Variants in RARB observed in about 807,000 individuals in gnomAD.
RARB encodes HBV-activated protein.
A neutral mutation model predicts 51.9 loss-of-function variants in RARB; 17 were observed. That is an observed-to-expected ratio of 0.33 (90% confidence interval 0.22 to 0.49). The LOEUF (loss-of-function observed/expected upper bound fraction) is 0.49. Among genes scored for constraint, RARB ranks in the 20% least tolerant of loss-of-function variants. RARB has a pLI of 0.99. For missense variants in RARB, 369 were observed against 550.8 expected (o/e 0.67, Z 3.30); for synonymous variants, 215 against 195.4 (o/e 1.10, Z -0.84).
chr3:24,924,597 T>G (rs1695279029), intron 2 of RARB, among the ~76,000 whole-genome samples: 2 of 152,182 alleles, frequency 1.3e-5, no homozygotes, highest in Admixed American at 1.3e-4. Flanking sequence ...TCTATGAATA[T>G]TTTTACTCAG....
At chr3:24,889,601 T>C (rs79052348) in intron 2 of RARB, among the ~76,000 whole-genome samples, 7,990 of 152,124 alleles carry the variant, frequency 0.053, 398 homozygotes, top group East Asian at 0.19. Flanking sequence ...ACTTTTTGTT[T>C]TTAATTTCTA....
intron 3 of RARB, among the ~76,000 whole-genome samples, chr3:25,094,716 C>CAAAAAAAAAAAAAAAAAAAAAA (rs57477720): frequency 2.3e-5 from 1 of 43,092 alleles, no homozygotes; most frequent in Non-Finnish European, 3.9e-5. Flanking sequence ...GACCCCATCT[C>CAAAAAAAAAAAAAAAAAAAAAA]AAAAAAAAAA....
In RARB at chr3:25,003,359, A is replaced by C. The variant is rs1419216302; in HGVS notation, c.-379-56766A>C. On this transcript the variant is annotated intron_variant, in intron 2 of 11. Coordinates refer to the RARB transcript ENST00000383772. ...TCAGAATGGACCTGGACCGAATGCA[A>C]GTTATTAATTTGCACTGAAATAACA... Among the ~76,000 whole-genome samples, 28 of 152,156 alleles carry C rather than the reference A, an allele frequency of 1.8e-4. 1 individual carries two copies. The highest frequency in any genetic ancestry group is 1.8e-3 in the Admixed American group (28 of 15,266).
chr3:25,368,273 A>T (rs941154847), intron 5 of RARB, among the ~76,000 whole-genome samples: 11 of 152,154 alleles, frequency 7.2e-5, no homozygotes, highest in Non-Finnish European at 1.5e-4. Context: ...AAGGTCTGGG[A>T]ATTTCTAGAC....
At chr3:25,413,643 G>T (rs894109309) in intron 5 of RARB, among the ~76,000 whole-genome samples, 1 of 151,386 alleles carries the variant, frequency 6.6e-6, no homozygotes, top group African/African-American at 2.5e-5. Context: ...CCAACCCTTG[G>T]TATCTTGTTT....
chr3:25,580,403 T>A (rs1701123734), intron 4 of RARB, 143 bp from the exon 5 acceptor site: 16 of 747,544 alleles, frequency 2.1e-5, no homozygotes, highest in Non-Finnish European at 3.3e-5. Context: ...GAATCCAGGC[T>A]AAAAAAAATG....
intron 1 of RARB, among the ~76,000 whole-genome samples, chr3:25,436,228 T>G (rs920979626): frequency 2.6e-5 from 4 of 152,210 alleles, no homozygotes; most frequent in South Asian, 4.1e-4. Context: ...GAGCTTTTTT[T>G]CCATGCTATC....
At chr3:25,478,854 A>G (rs1696093093) in intron 2 of RARB, among the ~76,000 whole-genome samples, 1 of 152,130 alleles carries the variant, frequency 6.6e-6, no homozygotes, top group Non-Finnish European at 1.5e-5. Context: ...CACTGGGTGA[A>G]TTTTTTATTT....
Position 25,587,401 on chromosome 3 carries a change from A to T in RARB, c.787-6102A>T, listed in dbSNP as rs80191820. The stretch of plus-strand genomic sequence containing the variant: ...ATAAACAGTCTTTTAAAGACTTAGT[A>T]TTTAAACATGTATAATATCTCCTTA... On this transcript the variant is annotated intron_variant, in intron 5 of 7. Coordinates refer to ENST00000330688, the MANE Select transcript of RARB (RefSeq NM_000965.5). Among the ~76,000 whole-genome samples the T allele has an allele frequency of 5.4e-3, 828 of 152,326 alleles. 6 individuals carry two copies. The highest frequency in any genetic ancestry group is 0.019 in the African/African-American group (792 of 41,562).
At chr3:25,114,893 T>C (rs1575166998) in intron 3 of RARB, among the ~76,000 whole-genome samples, 1 of 152,316 alleles carries the variant, frequency 6.6e-6, no homozygotes, top group Middle Eastern at 3.4e-3. Context: ...TGAAAAGTTA[T>C]AAAATACTGA....
chr3:25,474,156 A>G (rs533033435), intron 2 of RARB, among the ~76,000 whole-genome samples: 1 of 152,272 alleles, frequency 6.6e-6, no homozygotes, highest in African/African-American at 2.4e-5. Flanking sequence ...AATAGCAGCA[A>G]TTCTAAGTAC....
chr3:25,595,472 C>A (rs1701783887), intron 7 of RARB, among the ~76,000 whole-genome samples: 2 of 152,194 alleles, frequency 1.3e-5, no homozygotes, highest in South Asian at 4.1e-4. Flanking sequence ...CTGAATTCAT[C>A]CTTGCATGGA....
At chr3:25,151,090 C>A (rs1243964411) in intron 4 of RARB, among the ~76,000 whole-genome samples, 1 of 152,148 alleles carries the variant, frequency 6.6e-6, no homozygotes, top group African/African-American at 2.4e-5. Flanking sequence ...TTTGTGTTCT[C>A]TTTTTTATGG....
At chr3:25,411,102 T>A (rs1044751971) in intron 5 of RARB, among the ~76,000 whole-genome samples, 1 of 152,232 alleles carries the variant, frequency 6.6e-6, no homozygotes. Flanking sequence ...AGTTCATAGA[T>A]AATGTAATCT....
chr3:25,508,142 G>C (rs549254847), intron 3 of RARB, among the ~76,000 whole-genome samples: 1 of 152,180 alleles, frequency 6.6e-6, no homozygotes, highest in African/African-American at 2.4e-5. Context: ...AGTTTCATAA[G>C]TGTATTTGTA....
chr3:25,209,313 T>G (rs944579059), intron 5 of RARB, among the ~76,000 whole-genome samples: 3 of 152,236 alleles, frequency 2.0e-5, no homozygotes, highest in South Asian at 2.1e-4. Flanking sequence ...TATTCAACTT[T>G]GGAAGCATGA....
rs181031230 is a variant in RARB at position 24,938,027 on chromosome 3, C to T, written c.-380+79275C>T. Among the ~76,000 whole-genome samples the T allele has an allele frequency of 4.0e-4, 50 of 123,930 alleles. 1 individual carries two copies. Among genetic ancestry groups the T allele is most frequent in the Admixed American group, 3.0e-3 (41 of 13,678 alleles). The allele number at this position is 123,930 out of a possible 152,430, so 81.3% of individuals were successfully genotyped here. ...GTCTCTGTATCGATTGGAATGTGTACCCCTATGCACACATGCGCACACACA... is the reference window on the plus strand; with the variant it reads ...GTCTCTGTATCGATTGGAATGTGTATCCCTATGCACACATGCGCACACACA... On this transcript the variant is annotated intron_variant, in intron 2 of 11. Coordinates refer to the RARB transcript ENST00000383772.
intron 1 of RARB, among the ~76,000 whole-genome samples, chr3:25,454,279 G>T (rs1195867998): frequency 6.6e-6 from 1 of 152,202 alleles, no homozygotes; most frequent in African/African-American, 2.4e-5. Flanking sequence ...TGAGCTGTAG[G>T]CTTTGCAGTC....
intron 5 of RARB, among the ~76,000 whole-genome samples, chr3:25,421,084 C>T (rs1707845456): frequency 6.7e-6 from 1 of 150,102 alleles, no homozygotes; most frequent in African/African-American, 2.5e-5. Flanking sequence ...CCAATTATTT[C>T]ATGGTCATTC....
Sources: gnomAD v4.1 joint callset for allele counts (sites outside exome capture counted in the v4.1 genomes callset) on GRCh38, gnomAD v4.1.1 for gene constraint, MANE v1.5 for transcripts, NCBI Gene and HGNC (gene_info 2026-07-23, HGNC 2026-07-21) for gene names.